Variants in FAM3D observed in about 807,000 individuals in gnomAD.
The protein encoded by FAM3D is FAM3 metabolism regulating signaling molecule D.
Under a neutral mutation model 29.8 loss-of-function variants are expected in FAM3D, and 26 were observed. The observed-to-expected ratio is 0.87, with a 90% CI of 0.64 to 1.21. The LOEUF (loss-of-function observed/expected upper bound fraction) is 1.21, where lower values mean the gene tolerates loss of function less well. Among genes scored for constraint, FAM3D ranks in the 50% most tolerant of loss-of-function variants. The pLI is 0.00. For synonymous variants in FAM3D, 115 were observed against 102.3 expected (o/e 1.12, Z -0.75); for missense variants, 253 against 290.9 (o/e 0.87, Z 0.95).
chr3:58,648,813 C>G (rs1205951964), intron 4 of FAM3D, among the ~76,000 whole-genome samples: 1 of 152,182 alleles, frequency 6.6e-6, no homozygotes, highest in African/African-American at 2.4e-5. Flanking sequence ...TTCTCCACTT[C>G]TCTTAGGCAG....
chr3:58,642,952 T>C lies in FAM3D; in HGVS notation c.322+710A>G, dbSNP rs189318989. On this transcript the variant is annotated intron_variant, in intron 6 of 9. Transcript: ENST00000358781. Reference sequence around the variant, plus strand: ...CTCTCTCCCTCCCTTTCCCTTCTCCTCCCTGCACTGTGTTGCCCCTGCCTG... The same window carrying C: ...CTCTCTCCCTCCCTTTCCCTTCTCCCCCCTGCACTGTGTTGCCCCTGCCTG... Among the ~76,000 whole-genome samples the C allele has an allele frequency of 3.9e-3, 593 of 152,290 alleles. 4 individuals carry two copies. The highest frequency in any genetic ancestry group is 0.014 in the African/African-American group (565 of 41,558).
intron 8 of FAM3D, 76 bp from the exon 9 acceptor site, chr3:58,636,496 G>A (rs1349445436): frequency 1.3e-6 from 2 of 1,574,164 alleles, no homozygotes; most frequent in Non-Finnish European, 1.7e-6. Flanking sequence ...TTCCCATGGG[G>A]CAAGGTTCCC....
chr3:58,656,946 C>T (rs1488848664), intron 1 of FAM3D, among the ~76,000 whole-genome samples: 1 of 152,174 alleles, frequency 6.6e-6, no homozygotes, highest in Non-Finnish European at 1.5e-5. Flanking sequence ...TGCAAAACCA[C>T]ACCTCCTCTT....
At chr3:58,655,155 C>T (rs1018514900) in intron 2 of FAM3D, among the ~76,000 whole-genome samples, 5 of 152,178 alleles carry the variant, frequency 3.3e-5, no homozygotes, top group Admixed American at 1.3e-4. Context: ...GTGTCTGCTG[C>T]CTCAGTTTCC....
chr3:58,657,723 A>G (rs576567686), intron 1 of FAM3D: 1 of 152,224 alleles, frequency 6.6e-6, no homozygotes, highest in Non-Finnish European at 1.5e-5. Flanking sequence ...TAGCCTGCTC[A>G]CCCTGGCAGC....
Position 58,635,480 on chromosome 3 carries a change from T to G in FAM3D, c.585+814A>C, listed in dbSNP as rs1033755799. Among the ~76,000 whole-genome samples the G allele has an allele frequency of 6.6e-6, 1 of 152,184 alleles. No homozygotes were observed. Among genetic ancestry groups the G allele is most frequent in the Non-Finnish European group, 1.5e-5 (1 of 68,028 alleles). The stretch of plus-strand genomic sequence containing the variant: ...TGGATGAAGATGATGCTGGGCTTCC[T>G]GTACTCCCACGCCTCCTCTGTCTTG... On this transcript the variant is annotated intron_variant, in intron 9 of 9. Coordinates refer to ENST00000358781, the MANE Select transcript of FAM3D (RefSeq NM_138805.3). This position sits in a 1 kb window ranked among gnomAD's most constrained non-coding sequence, Gnocchi z 5.2.
chr3:58,649,980 C>T (rs571929821), intron 3 of FAM3D, among the ~76,000 whole-genome samples: 2 of 152,210 alleles, frequency 1.3e-5, no homozygotes, highest in Non-Finnish European at 2.9e-5. Flanking sequence ...TAGAGTTGTG[C>T]TGCTGTGGGT....
chr3:58,655,447 C>G, intron 2 of FAM3D, 104 bp downstream of exon 2: 2 of 1,458,084 alleles, frequency 1.4e-6, no homozygotes, highest in Non-Finnish European at 1.9e-6. Context: ...TCCTGGAATT[C>G]GGGCCTGACC....
rs756198117 is a variant in FAM3D, at chr3:58,649,291, G to C, written c.145+24C>G. 2.5e-6 allele frequency: 4 copies of C among 1,612,430 alleles called. No homozygotes were observed. In the East Asian group the frequency reaches 8.9e-5, roughly 36 times the overall value. ...GGGTGAGTGGATGAGGTCGGGGGAG[G>C]TGTGGGGCTGCACAGATACTCACGG... On this transcript the variant is annotated intron_variant, in intron 4 of 9. Transcript: ENST00000358781.
intron 1 of FAM3D, among the ~76,000 whole-genome samples, chr3:58,659,260 T>C (rs1160108294): frequency 4.6e-5 from 7 of 152,200 alleles, no homozygotes. Context: ...AGGGCACGAT[T>C]CCTATACGGA....
intron 1 of FAM3D, among the ~76,000 whole-genome samples, chr3:58,658,862 C>T (rs1293586012): frequency 6.6e-6 from 1 of 152,228 alleles, no homozygotes; most frequent in African/African-American, 2.4e-5. Flanking sequence ...AGGTCCCATC[C>T]TCAACCACTA....
At chr3:58,664,559 G>A (rs936051184) in intron 1 of FAM3D, among the ~76,000 whole-genome samples, 4 of 152,212 alleles carry the variant, frequency 2.6e-5, no homozygotes, top group Non-Finnish European at 5.9e-5. Context: ...TTTTCAAAAT[G>A]CACACTGTCA....
At chr3:58,645,847 A>G (rs1340262399) in intron 4 of FAM3D, among the ~76,000 whole-genome samples, 1 of 152,224 alleles carries the variant, frequency 6.6e-6, no homozygotes, top group African/African-American at 2.4e-5. Context: ...CCAGCCCAGA[A>G]TGAATTTTTG....
chr3:58,650,599 A>G lies in FAM3D; in HGVS notation c.122-1261T>C, dbSNP rs2066608321. ...AAGAGAGACCAGCTCTGGGGACTTC[A>G]TGGGAGACTCCTGGATTCAGCCACA... On this transcript the variant is annotated intron_variant, in intron 3 of 9. Coordinates refer to ENST00000358781, the MANE Select transcript of FAM3D (RefSeq NM_138805.3). Among the ~76,000 whole-genome samples, 2 of 152,168 alleles carry G rather than the reference A, an allele frequency of 1.3e-5. 1 individual carries two copies. Among genetic ancestry groups the G allele is most frequent in the South Asian group, 4.1e-4 (2 of 4,824 alleles).
At position 58,645,711 on chromosome 3, in the gene FAM3D, A is replaced by G. The variant is rs1476550387; in HGVS notation, c.146-85T>C. The G allele has an allele frequency of 2.6e-6, 3 of 1,137,030 alleles. No individual in the cohort carries two copies. In the African/African-American group the frequency reaches 4.6e-5, roughly 17 times the overall value. The allele number at this position is 1,137,030 out of a possible 1,614,324, so 70.4% of individuals were successfully genotyped here. On this transcript the variant is annotated intron_variant, in intron 4 of 9. Transcript: ENST00000358781. ...GGAGGGGAGGGCCAGGGCTAGGGCC[A>G]GGGCGCAGCTTGGGATGAAGCTCAG... is the stretch of plus-strand genomic sequence containing the variant.
At chr3:58,649,681 G>A (rs2066578239) in intron 3 of FAM3D, among the ~76,000 whole-genome samples, 1 of 152,084 alleles carries the variant, frequency 6.6e-6, no homozygotes, top group Non-Finnish European at 1.5e-5. Context: ...CACACACGCA[G>A]ACATACACAT....
chr3:58,662,358 A>G (rs2106957553), intron 1 of FAM3D, among the ~76,000 whole-genome samples: 1 of 152,366 alleles, frequency 6.6e-6, no homozygotes, highest in South Asian at 2.1e-4. Context: ...TTGGGAAGCC[A>G]TTAAGAGATA....
intron 3 of FAM3D, among the ~76,000 whole-genome samples, chr3:58,651,124 C>T (rs1299143488): frequency 2.0e-5 from 3 of 152,180 alleles, no homozygotes; most frequent in Non-Finnish European, 2.9e-5. Flanking sequence ...CCCATGAACT[C>T]CTCTCAGAAT....
intron 1 of FAM3D, among the ~76,000 whole-genome samples, chr3:58,663,164 G>C (rs2066964649): frequency 6.6e-6 from 1 of 152,340 alleles, no homozygotes; most frequent in East Asian, 1.9e-4. Context: ...CTCCTGAAGT[G>C]CTGGGATTAC....
Sources: allele counts gnomAD v4.1 joint callset (sites outside exome capture counted in the v4.1 genomes callset), GRCh38; gene constraint gnomAD v4.1.1; non-coding constraint Gnocchi (gnomAD v3.1); transcripts MANE v1.5; gene names NCBI Gene and HGNC (gene_info 2026-07-23, HGNC 2026-07-21).